Variants in POU2F3 observed in about 807,000 individuals in gnomAD.
POU2F3 encodes the protein POU domain, class 2, transcription factor 3.
A neutral mutation model predicts 59.2 loss-of-function variants in POU2F3; 23 were observed. That is an observed-to-expected ratio of 0.39 (90% CI 0.28 to 0.55). The LOEUF (loss-of-function observed/expected upper bound fraction) is 0.55. POU2F3 is among the 20% of genes least tolerant of loss of function. The pLI, the probability that POU2F3 is intolerant of heterozygous loss-of-function variation, is 0.66. For missense variants in POU2F3, 473 were observed against 544.5 expected (o/e 0.87, Z 1.31); for synonymous variants, 190 against 214.6 (o/e 0.89, Z 1.00).
chr11:120,243,043 G>T (rs1395395589), intron 1 of POU2F3, among the ~76,000 whole-genome samples: 8 of 152,176 alleles, frequency 5.3e-5, no homozygotes, highest in African/African-American at 1.9e-4. Flanking sequence ...GGAAAGGGGG[G>T]CTGAGTCTCA....
At chr11:120,262,313 T>C (rs532136745) in intron 2 of POU2F3, among the ~76,000 whole-genome samples, 29 of 152,400 alleles carry the variant, frequency 1.9e-4, no homozygotes, top group African/African-American at 6.7e-4. Context: ...CGAAGTATTT[T>C]ATTTATACAT....
In POU2F3 at chr11:120,318,597, T is replaced by C. The variant is rs890096708; in HGVS notation, c.*205T>C. 2 of 560,744 alleles carry C rather than the reference T, an allele frequency of 3.6e-6. No homozygotes were observed. The highest frequency in any genetic ancestry group is 3.8e-5 in the African/African-American group (2 of 52,600). The allele number at this position is 560,744 out of a possible 1,614,324, so 34.7% of individuals were successfully genotyped here. Reference sequence around the variant, plus strand: ...AACCAAGTGCAGACTCCTAATGCTCTTGAAATACACAGCCCCTCCTAGGAG... The same window carrying C: ...AACCAAGTGCAGACTCCTAATGCTCCTGAAATACACAGCCCCTCCTAGGAG... On this transcript the variant is annotated 3_prime_UTR_variant, in exon 13 of 13. Transcript: ENST00000543440.
intron 3 of POU2F3, among the ~76,000 whole-genome samples, chr11:120,272,116 G>A (rs1026657807): frequency 3.3e-5 from 5 of 152,128 alleles, no homozygotes; most frequent in African/African-American, 9.7e-5. Flanking sequence ...GGGGCAAGGC[G>A]CTTCTGGCAC....
intron 2 of POU2F3, among the ~76,000 whole-genome samples, chr11:120,268,700 C>T (rs959771046): frequency 3.3e-5 from 5 of 152,176 alleles, no homozygotes; most frequent in Non-Finnish European, 7.3e-5. Flanking sequence ...TTTATGGTAA[C>T]AGTTGAGGGT....
At chr11:120,261,675 A>C (rs190581540) in intron 2 of POU2F3, among the ~76,000 whole-genome samples, 8 of 152,344 alleles carry the variant, frequency 5.3e-5, no homozygotes, top group African/African-American at 1.9e-4. Context: ...GAAATGGTGA[A>C]GAGAGTTCTT....
intron 3 of POU2F3, among the ~76,000 whole-genome samples, chr11:120,296,315 C>A (rs548739373): frequency 6.6e-6 from 1 of 152,254 alleles, no homozygotes; most frequent in East Asian, 1.9e-4. Flanking sequence ...TGAAAGGCAC[C>A]ATATTTAGGA....
intron 11 of POU2F3, among the ~76,000 whole-genome samples, chr11:120,316,664 G>A (rs1223860585): frequency 2.0e-5 from 3 of 152,202 alleles, no homozygotes; most frequent in Middle Eastern, 6.8e-3. Flanking sequence ...GGGCTTAATC[G>A]GCCCTCCTGC....
At chr11:120,311,215 T>G (rs926840505) in intron 10 of POU2F3, among the ~76,000 whole-genome samples, 40 of 152,054 alleles carry the variant, frequency 2.6e-4, no homozygotes, top group African/African-American at 9.6e-4. Flanking sequence ...GAACTGAAGG[T>G]TTGGGGGAAT....
At chr11:120,314,569 T>C (rs1440789086) in intron 10 of POU2F3, among the ~76,000 whole-genome samples, 3 of 152,234 alleles carry the variant, frequency 2.0e-5, no homozygotes, top group Non-Finnish European at 4.4e-5. Flanking sequence ...ATTTTACAGA[T>C]GAGAAAACCA....
At chr11:120,241,361 A>T (rs1306769864) in intron 1 of POU2F3, among the ~76,000 whole-genome samples, 1 of 152,212 alleles carries the variant, frequency 6.6e-6, no homozygotes, top group Non-Finnish European at 1.5e-5. Context: ...ACCCACCCCA[A>T]GAAGCAGAGC....
intron 2 of POU2F3, among the ~76,000 whole-genome samples, chr11:120,258,563 T>C (rs1318442889): frequency 6.6e-6 from 1 of 152,096 alleles, no homozygotes; most frequent in Admixed American, 6.5e-5. Context: ...AAAAATAGCG[T>C]CTGGGTGGGG....
At chr11:120,266,481 T>C (rs111382529) in intron 2 of POU2F3, among the ~76,000 whole-genome samples, 13 of 152,220 alleles carry the variant, frequency 8.5e-5, no homozygotes, top group African/African-American at 3.1e-4. Flanking sequence ...CCTCCTTGGA[T>C]TGAAAATTGC....
intron 3 of POU2F3, among the ~76,000 whole-genome samples, chr11:120,270,333 C>T (rs1245179108): frequency 6.6e-6 from 1 of 152,122 alleles, no homozygotes; most frequent in Non-Finnish European, 1.5e-5. Context: ...GACAGACTTA[C>T]TCTTAAGTGA....
intron 10 of POU2F3, among the ~76,000 whole-genome samples, chr11:120,314,808 G>C (rs1941738881): frequency 6.6e-6 from 1 of 152,140 alleles, no homozygotes; most frequent in African/African-American, 2.4e-5. Context: ...GAGGTCTCCA[G>C]GGCAAAATAA....
chr11:120,278,851 G>A lies in POU2F3; in HGVS notation c.132+9607G>A, dbSNP rs371384568. On this transcript the variant is annotated intron_variant, in intron 3 of 12. Transcript: ENST00000543440. ...TGGGTGCAGCAAACCATCATGGCAC[G>A]TGTATACCTATGTAACAAACCTGCA... Among the ~76,000 whole-genome samples the A allele has an allele frequency of 1.8e-4, 27 of 152,204 alleles. No homozygotes were observed. In the East Asian group the frequency reaches 4.2e-3, roughly 24 times the overall value.
chr11:120,237,715 T>C (rs1382706707), upstream of POU2F3, among the ~76,000 whole-genome samples: 1 of 152,094 alleles, frequency 6.6e-6, no homozygotes, highest in Non-Finnish European at 1.5e-5. Flanking sequence ...ATAAGCTGTG[T>C]GCAGGCATTT....
chr11:120,307,362 C>A (rs1301655869), intron 8 of POU2F3, 117 bp from the exon 9 acceptor site: 1 of 1,186,934 alleles, frequency 8.4e-7, no homozygotes, highest in Admixed American at 2.1e-5. Context: ...GAGGGGATTG[C>A]TCCTGAAAAT....
At position 120,319,502 on chromosome 11, in the gene POU2F3, A is replaced by G. The variant is rs1313509532; in HGVS notation, c.*1110A>G. ...CCAGCCCAGGCTGGAGTGCAGTGGC[A>G]TGATCTTGGCTCACTGCATGCTCTG... On this transcript the variant is annotated 3_prime_UTR_variant, in exon 13 of 13. Transcript: ENST00000543440. 1 of 135,026 alleles carries G rather than the reference A, an allele frequency of 7.4e-6. No individual in the cohort carries two copies. Among genetic ancestry groups the G allele is most frequent in the Non-Finnish European group, 1.5e-5 (1 of 65,750 alleles). 8.4% of individuals were successfully genotyped at this position (135,026 alleles called of 1,614,324 possible). A position where few individuals can be genotyped will look rare whatever the true frequency, so the allele number is the denominator to read the frequency against.
chr11:120,260,457 C>A lies in POU2F3; in HGVS notation c.98-8753C>A, dbSNP rs541490232. 1.9e-3 allele frequency among the ~76,000 whole-genome samples: 287 copies of A among 152,338 alleles called. 1 individual carries two copies. The highest frequency in any genetic ancestry group is 3.3e-3 in the Non-Finnish European group (226 of 68,028). On this transcript the variant is annotated intron_variant, in intron 2 of 12. Coordinates refer to ENST00000543440, the MANE Select transcript of POU2F3 (RefSeq NM_014352.4). ...AGGCTGCTTTTGACACTGGGCACCT[C>A]CTCCATTAGGATCCTTGGACTTTCC...
Sources: gnomAD v4.1 joint callset for allele counts (sites outside exome capture counted in the v4.1 genomes callset) on GRCh38, gnomAD v4.1.1 for gene constraint, MANE v1.5 for transcripts, NCBI Gene and HGNC (gene_info 2026-07-23, HGNC 2026-07-21) for gene names.